Variants in HPSE2 observed in about 807,000 individuals in gnomAD.
The protein encoded by HPSE2 is heparanase 2 (inactive), also known as inactive heparanase-2.
HPSE2 carries 38 observed loss-of-function variants against 60.5 expected under a neutral mutation model. That is an observed-to-expected ratio of 0.63 (90% confidence interval 0.48 to 0.82). HPSE2 has a LOEUF of 0.82. HPSE2 is among the 40% of genes least tolerant of loss of function. The pLI is 0.00. For missense variants in HPSE2, 713 were observed against 740.4 expected, an observed-to-expected ratio of 0.96 and a Z score of 0.43; for synonymous variants, 295 against 293.2, an observed-to-expected ratio of 1.01 and a Z score of -0.06.
Position 98,530,883 on chromosome 10 carries a change from G to T in HPSE2, c.1321-40687C>A, listed in dbSNP as rs1195751963. Among the ~76,000 whole-genome samples, 6 of 152,266 alleles carry T rather than the reference G, an allele frequency of 3.9e-5. No individual in the cohort carries two copies. The South Asian group carries it at 1.2e-3, about 32-fold the overall frequency. On this transcript the variant is annotated intron_variant, in intron 9 of 11. Coordinates refer to ENST00000370552, the MANE Select transcript of HPSE2 (RefSeq NM_021828.5). ...GCGAGTAGAGGGACCCTCCACTGAG[G>T]CCTGTTACTGAAGGAAGAGGTCTGG... is the stretch of plus-strand genomic sequence containing the variant.
intron 7 of HPSE2, among the ~76,000 whole-genome samples, chr10:98,624,058 A>T (rs12259311): frequency 0.063 from 9,569 of 152,274 alleles, 1,024 homozygotes; most frequent in African/African-American, 0.22. Context: ...ACAAATATTT[A>T]TTGAGCACCT....
chr10:99,185,886 A>G (rs79196211), intron 2 of HPSE2, among the ~76,000 whole-genome samples: 8,520 of 152,194 alleles, frequency 0.056, 346 homozygotes, highest in Non-Finnish European at 0.085. Flanking sequence ...AATAGAAATT[A>G]TCTAAATGAA....
chr10:99,313,714 C>G, the HPSE2 span, among the ~76,000 whole-genome samples: 1 of 148,134 alleles, frequency 6.8e-6, no homozygotes, highest in Admixed American at 6.9e-5. Context: ...ATTCTCCTGC[C>G]TCAGCCTCCT....
At chr10:99,291,470 T>C in the HPSE2 span, among the ~76,000 whole-genome samples, 174 of 151,574 alleles carry the variant, frequency 1.1e-3, no homozygotes, top group Admixed American at 3.4e-3. Context: ...TGTAGTCCCA[T>C]CTACTTGGGA....
At chr10:99,173,952 A>AG (rs1225499041) in intron 2 of HPSE2, among the ~76,000 whole-genome samples, 1 of 47,070 alleles carries the variant, frequency 2.1e-5, no homozygotes, top group Non-Finnish European at 1.0e-4. Context: ...TCAAAAAAAA[A>AG]AAAAAAAAAA....
chr10:98,606,960 T>C (rs1387762548), intron 9 of HPSE2, among the ~76,000 whole-genome samples: 1 of 152,200 alleles, frequency 6.6e-6, no homozygotes, highest in East Asian at 1.9e-4. Context: ...GAAATATTCT[T>C]AAATTTGTCA....
intron 3 of HPSE2, among the ~76,000 whole-genome samples, chr10:98,826,401 T>G (rs949517703): frequency 1.3e-5 from 2 of 152,170 alleles, no homozygotes; most frequent in Non-Finnish European, 2.9e-5. Context: ...AGACTAAATA[T>G]TGGGGTTTGT....
At chr10:98,751,852 C>G (rs528265414) in intron 3 of HPSE2, among the ~76,000 whole-genome samples, 96 of 152,262 alleles carry the variant, frequency 6.3e-4, no homozygotes, top group African/African-American at 2.2e-3. Context: ...TATGAAGAAG[C>G]TTTAATGAGT....
chr10:98,463,865 T>A (rs1363812330), intron 11 of HPSE2, among the ~76,000 whole-genome samples: 1 of 152,158 alleles, frequency 6.6e-6, no homozygotes, highest in East Asian at 1.9e-4. Flanking sequence ...ACGCCTGTAA[T>A]CCCAGCACTT....
intron 3 of HPSE2, among the ~76,000 whole-genome samples, chr10:98,986,283 A>C (rs1283828689): frequency 3.3e-5 from 5 of 152,134 alleles, no homozygotes; most frequent in Non-Finnish European, 7.3e-5. Flanking sequence ...AGAAATTATA[A>C]CAAACTCTCT....
chr10:98,782,993 GGTTA>G (rs1413976951), intron 3 of HPSE2, among the ~76,000 whole-genome samples: 15 of 114,856 alleles, frequency 1.3e-4, no homozygotes, highest in African/African-American at 5.3e-4. Context: ...ACATTGTGCA[GGTTA>G]GTTACATATG....
intron 3 of HPSE2, among the ~76,000 whole-genome samples, chr10:99,053,719 CTTTTTTT>C (rs11301458): frequency 9.7e-4 from 56 of 57,800 alleles, no homozygotes; most frequent in African/African-American, 1.9e-3. Flanking sequence ...GAGTTACAGT[CTTTTTTT>C]TTTTTTTTTT....
chr10:98,755,061 C>CA (rs890210519), intron 3 of HPSE2, among the ~76,000 whole-genome samples: 4 of 152,012 alleles, frequency 2.6e-5, no homozygotes, highest in Admixed American at 6.5e-5. Flanking sequence ...AAACGCCCCA[C>CA]AAAAAAGGCA....
At position 98,864,647 on chromosome 10, in the gene HPSE2, C is replaced by A. The variant is rs1376610608; in HGVS notation, c.611-120591G>T. On this transcript the variant is annotated intron_variant, in intron 3 of 11. Coordinates refer to ENST00000370552, the MANE Select transcript of HPSE2 (RefSeq NM_021828.5). The stretch of plus-strand genomic sequence containing the variant: ...ACTATACATGGTACATTTCCTAGAG[C>A]AGCTAATAGGACACTCACAAACACA... 3.3e-5 allele frequency among the ~76,000 whole-genome samples: 5 copies of A among 152,198 alleles called. No homozygotes were observed. The South Asian group carries it at 8.3e-4, about 25-fold the overall frequency.
At chr10:99,243,076 G>A in the HPSE2 span, among the ~76,000 whole-genome samples, 4 of 152,200 alleles carry the variant, frequency 2.6e-5, no homozygotes, top group Non-Finnish European at 4.4e-5. Flanking sequence ...AGTTAAGTCC[G>A]GGCACAGTGG....
chr10:98,550,472 A>T (rs980865283), intron 9 of HPSE2, among the ~76,000 whole-genome samples: 16 of 143,628 alleles, frequency 1.1e-4, no homozygotes, highest in Admixed American at 2.8e-4. Flanking sequence ...TCTTTCTTAA[A>T]TTTTTTTTTT....
chr10:99,151,788 C>A (rs1166729624), intron 2 of HPSE2, among the ~76,000 whole-genome samples: 2 of 152,046 alleles, frequency 1.3e-5, no homozygotes, highest in Admixed American at 6.6e-5. Flanking sequence ...TGATGGCATG[C>A]ACTTATAATC....
the HPSE2 span, among the ~76,000 whole-genome samples, chr10:99,241,916 G>A: frequency 6.6e-6 from 1 of 152,274 alleles, no homozygotes; most frequent in East Asian, 1.9e-4. Flanking sequence ...TGAAACAAAA[G>A]GTGAACTCTA....
chr10:99,305,961 ACGCGC>A, the HPSE2 span, among the ~76,000 whole-genome samples: 10 of 103,062 alleles, frequency 9.7e-5, no homozygotes, highest in Admixed American at 4.7e-4. Flanking sequence ...ACTCACACAC[ACGCGC>A]GCGCGCGCGC....
Sources: gnomAD v4.1 joint callset for allele counts (sites outside exome capture counted in the v4.1 genomes callset) on GRCh38, gnomAD v4.1.1 for gene constraint, MANE v1.5 for transcripts, NCBI Gene and HGNC (gene_info 2026-07-23, HGNC 2026-07-21) for gene names.